Variants in ALG13 observed in about 807,000 individuals in gnomAD.
ALG13 encodes ALG13 UDP-N-acetylglucosaminyltransferase subunit, also known as UDP-N-acetylglucosamine transferase subunit ALG13.
Under a neutral mutation model 87.8 loss-of-function variants are expected in ALG13, and 11 were observed. That is an observed-to-expected ratio of 0.13 (90% CI 0.08 to 0.21). The LOEUF is 0.21. Ranked by LOEUF, ALG13 falls within the 10% of genes least tolerant of loss-of-function variation. ALG13 has a pLI of 1.00. For missense variants in ALG13, 756 were observed against 866.1 expected (o/e 0.87, Z 1.60); for synonymous variants, 320 against 306.3 (o/e 1.04, Z -0.47).
intron 23 of ALG13, among the ~76,000 whole-genome samples, chrX:111,740,748 A>G (rs963932289): frequency 8.9e-6 from 1 of 111,935 alleles, no homozygotes; most frequent in African/African-American, 3.2e-5. Context: ...GATCATTGCA[A>G]TAGATTGGAA....
intron 15 of ALG13, among the ~76,000 whole-genome samples, chrX:111,726,290 G>A (rs1942030664): frequency 1.1e-5 from 1 of 94,100 alleles, no homozygotes; most frequent in African/African-American, 4.3e-5. Context: ...CTGGAGTGCA[G>A]TTGTGCGATC....
At chrX:111,745,837 A>G (rs1455195279) in intron 24 of ALG13, among the ~76,000 whole-genome samples, 1 of 110,692 alleles carries the variant, frequency 9.0e-6, no homozygotes, top group African/African-American at 3.3e-5. Flanking sequence ...TAATTTTCCC[A>G]ATATCTAAAC....
intron 2 of ALG13, among the ~76,000 whole-genome samples, chrX:111,684,706 A>C (rs1934488329): frequency 8.9e-6 from 1 of 112,189 alleles, no homozygotes; most frequent in Non-Finnish European, 1.9e-5. Flanking sequence ...ACTAGAGAGC[A>C]AGTAGCATAG....
intron 15 of ALG13, among the ~76,000 whole-genome samples, 151 bp downstream of exon 15, chrX:111,725,212 A>C (rs147181294): frequency 8.9e-6 from 1 of 111,824 alleles, no homozygotes; most frequent in African/African-American, 3.3e-5. Context: ...AATGGATACT[A>C]CTTCACTGTC....
intron 24 of ALG13, among the ~76,000 whole-genome samples, chrX:111,752,329 A>G (rs769357564): frequency 3.6e-5 from 4 of 112,167 alleles, no homozygotes; most frequent in African/African-American, 1.3e-4. Context: ...TTGGTAGGTA[A>G]GTAGTCATTT....
In ALG13 at chrX:111,736,631, C is replaced by A. The variant is rs915352979; in HGVS notation, c.2530-83C>A. 3 of 908,417 alleles carry A rather than the reference C, an allele frequency of 3.3e-6. No homozygotes were observed. In the African/African-American group the frequency reaches 6.0e-5, roughly 18 times the overall value. The allele number at this position is 908,417 out of a possible 1,213,427, so 74.9% of individuals were successfully genotyped here. ...GTGTTTTAGTTTTCTAAACTAATTA[C>A]TATTTTCTGAAGTTTAGGATCAGAT... On this transcript the variant is annotated intron_variant, in intron 22 of 26. Coordinates refer to ENST00000394780, the MANE Select transcript of ALG13 (RefSeq NM_001099922.3).
In ALG13 at chrX:111,745,502, T is replaced by C. The variant is rs928420435; in HGVS notation, c.2932+598T>C. Among the ~76,000 whole-genome samples the C allele has an allele frequency of 2.7e-5, 3 of 110,964 alleles. No homozygotes were observed. The Admixed American group carries it at 2.9e-4, about 11-fold the overall frequency. ...AGCTTATACTTTCTTGCTATAATATTTTCTTGGTTTTTCTAGCTGCTTCTC... is the reference window on the plus strand; with the variant it reads ...AGCTTATACTTTCTTGCTATAATATCTTCTTGGTTTTTCTAGCTGCTTCTC... On this transcript the variant is annotated intron_variant, in intron 24 of 26. Transcript: ENST00000394780.
intron 3 of ALG13, among the ~76,000 whole-genome samples, chrX:111,707,189 A>T (rs1039249245): frequency 2.0e-4 from 22 of 112,171 alleles, no homozygotes; most frequent in Non-Finnish European, 3.9e-4. Context: ...GTACACTAGT[A>T]AAACATTGAA....
In ALG13 at chrX:111,717,818, C is replaced by T. The variant is rs777296116; in HGVS notation, c.1006-28C>T. On this transcript the variant is annotated intron_variant, in intron 8 of 26. Coordinates refer to ENST00000394780, the MANE Select transcript of ALG13 (RefSeq NM_001099922.3). ...ATGGTTTTAAGATGTGTAACATTCA[C>T]TTAATTGTTCTGTGTGTTTTTCTTT... 6.0e-5 allele frequency: 63 copies of T among 1,052,963 alleles called. 1 individual carries two copies. The South Asian group carries it at 1.3e-3, about 21-fold the overall frequency. The allele number at this position is 1,052,963 out of a possible 1,213,427, so 86.8% of individuals were successfully genotyped here.
At chrX:111,683,326 ATTTTTTTTT>A (rs763991466) in intron 2 of ALG13, among the ~76,000 whole-genome samples, 330 of 63,547 alleles carry the variant, frequency 5.2e-3, no homozygotes, top group Non-Finnish European at 8.2e-3. Flanking sequence ...CTTTCTTTCT[ATTTTTTTTT>A]TTTTTTTTTT....
At chrX:111,685,270 T>G (rs1205593591) in intron 3 of ALG13, 167 bp downstream of exon 3, 7 of 513,769 alleles carry the variant, frequency 1.4e-5, no homozygotes, top group Non-Finnish European at 2.2e-5. Flanking sequence ...TGTCTCCCAT[T>G]TTGCAATCTC....
intron 24 of ALG13, among the ~76,000 whole-genome samples, chrX:111,751,407 A>T (rs1349289821): frequency 1.8e-5 from 2 of 111,999 alleles, no homozygotes; most frequent in Non-Finnish European, 3.8e-5. Context: ...TTACTGGGAA[A>T]CCAAAAAATT....
At chrX:111,709,370 A>G (rs960348221) in intron 5 of ALG13, among the ~76,000 whole-genome samples, 1 of 112,586 alleles carries the variant, frequency 8.9e-6, no homozygotes, top group Non-Finnish European at 1.9e-5. Context: ...TGAACAATTA[A>G]TAATAGTTCA....
intron 3 of ALG13, among the ~76,000 whole-genome samples, chrX:111,696,507 T>C (rs1460542288): frequency 8.9e-6 from 1 of 111,853 alleles, no homozygotes; most frequent in Non-Finnish European, 1.9e-5. Context: ...CATTTACAAC[T>C]ATACCTTGTA....
intron 21 of ALG13, among the ~76,000 whole-genome samples, chrX:111,732,135 T>C (rs777485057): frequency 8.9e-6 from 1 of 111,947 alleles, no homozygotes; most frequent in South Asian, 3.8e-4. Flanking sequence ...GCCTGCAAAC[T>C]ACTAATTCTC....
intron 3 of ALG13, among the ~76,000 whole-genome samples, chrX:111,700,038 GT>G (rs779900750): frequency 0.15 from 12,136 of 78,550 alleles, 775 homozygotes; most frequent in Non-Finnish European, 0.21. Flanking sequence ...TTATTTGTGG[GT>G]TTTTTTTTTT....
chrX:111,720,217 G>A lies in ALG13; in HGVS notation c.1326+47G>A, dbSNP rs141386106. 468 of 931,995 alleles carry A rather than the reference G, an allele frequency of 5.0e-4. 1 individual carries two copies. In the African/African-American group the frequency reaches 8.2e-3, roughly 16 times the overall value. The allele number at this position is 931,995 out of a possible 1,213,427, so 76.8% of individuals were successfully genotyped here. ...AGAATTTTCATAGTCTTGGCTTGCA[G>A]CATCATGACTTAAACTAGTTAAAGT... On this transcript the variant is annotated intron_variant, in intron 11 of 26. Coordinates refer to ENST00000394780, the MANE Select transcript of ALG13 (RefSeq NM_001099922.3).
At chrX:111,714,080 C>T (rs956265430) in intron 8 of ALG13, among the ~76,000 whole-genome samples, 2 of 111,286 alleles carry the variant, frequency 1.8e-5, no homozygotes, top group African/African-American at 6.5e-5. Flanking sequence ...GATGCTGTTA[C>T]GATAATCGAG....
intron 3 of ALG13, among the ~76,000 whole-genome samples, chrX:111,697,076 C>T (rs965005264): frequency 3.8e-5 from 4 of 104,084 alleles, no homozygotes; most frequent in Non-Finnish European, 7.8e-5. Context: ...TAAGCACGAA[C>T]GTGCTAAACA....
Sources: allele counts gnomAD v4.1 joint callset (sites outside exome capture counted in the v4.1 genomes callset), GRCh38; gene constraint gnomAD v4.1.1; transcripts MANE v1.5; gene names NCBI Gene and HGNC (gene_info 2026-07-23, HGNC 2026-07-21).